TSPAN9: variants seen among roughly 807,000 people sequenced by gnomAD.
The protein encoded by TSPAN9 is tetraspanin 9, also known as tetraspanin-9.
Under a neutral mutation model 31.0 loss-of-function variants are expected in TSPAN9, and 16 were observed. The ratio of observed to expected loss-of-function variants is 0.52; its 90% confidence interval spans 0.35 to 0.78. TSPAN9 has a LOEUF of 0.78. Among genes scored for constraint, TSPAN9 ranks in the 30% least tolerant of loss-of-function variants. TSPAN9 has a pLI of 0.01. For synonymous variants in TSPAN9, 145 were observed against 121.6 expected, an observed-to-expected ratio of 1.19 and a Z score of -1.27; for missense variants, 272 against 312.5, an observed-to-expected ratio of 0.87 and a Z score of 0.98.
intron 3 of TSPAN9, among the ~76,000 whole-genome samples, chr12:3,223,496 T>G (rs2098385603): frequency 6.6e-6 from 1 of 152,240 alleles, no homozygotes; most frequent in African/African-American, 2.4e-5. Flanking sequence ...TGCCGTTTGC[T>G]GCAAGGATGC....
intron 2 of TSPAN9, among the ~76,000 whole-genome samples, chr12:3,109,003 T>G (rs1350518993): frequency 6.6e-6 from 1 of 151,988 alleles, no homozygotes; most frequent in Non-Finnish European, 1.5e-5. Flanking sequence ...TGGCGCGATC[T>G]CCGCTCACTG....
rs186798644 is a variant in TSPAN9 at position 3,085,959 on chromosome 12, G to T, written c.-18+2240G>T. 4.2e-3 allele frequency among the ~76,000 whole-genome samples: 641 copies of T among 152,326 alleles called. 3 individuals carry two copies. The highest frequency in any genetic ancestry group is 4.7e-3 in the Non-Finnish European group (317 of 68,032). ...CCCTGCCCCGTGAGTGGCGAGTGGCGGGGTCCTACTGCCTGACTTCTGTCC... is the reference window on the plus strand; with the variant it reads ...CCCTGCCCCGTGAGTGGCGAGTGGCTGGGTCCTACTGCCTGACTTCTGTCC... On this transcript the variant is annotated intron_variant, in intron 2 of 8. Transcript: ENST00000011898.
At chr12:3,240,988 A>C (rs559614889) in intron 3 of TSPAN9, among the ~76,000 whole-genome samples, 2 of 152,316 alleles carry the variant, frequency 1.3e-5, no homozygotes, top group Admixed American at 1.3e-4. Flanking sequence ...TAAACGGATA[A>C]TTGCTAATAT....
chr12:3,102,286 G>A (rs2098312196), intron 2 of TSPAN9, among the ~76,000 whole-genome samples: 1 of 151,894 alleles, frequency 6.6e-6, no homozygotes, highest in Non-Finnish European at 1.5e-5. Flanking sequence ...ATCATGCCCT[G>A]CCAACATTTT....
intron 2 of TSPAN9, among the ~76,000 whole-genome samples, chr12:3,085,507 G>A (rs2098300032): frequency 6.6e-6 from 1 of 152,142 alleles, no homozygotes; most frequent in Non-Finnish European, 1.5e-5. Flanking sequence ...TCTGATGGCT[G>A]TGGCTCCAGG....
chr12:3,283,413 T>C lies in TSPAN9; in HGVS notation c.*297T>C, dbSNP rs369748275. 258 of 308,214 alleles carry C rather than the reference T, an allele frequency of 8.4e-4. 1 individual carries two copies. The highest frequency in any genetic ancestry group is 5.3e-3 in the African/African-American group (243 of 45,820). The allele number at this position is 308,214 out of a possible 1,614,324, so 19.1% of individuals were successfully genotyped here. ...GCTCCGGAGGAACCCCCGGCACTGA[T>C]GGGCTTCTGCCCCTGCCCTTCCTCA... is the stretch of plus-strand genomic sequence containing the variant. On this transcript the variant is annotated 3_prime_UTR_variant, in exon 9 of 9. Coordinates refer to ENST00000011898, the MANE Select transcript of TSPAN9 (RefSeq NM_006675.5).
rs1863018569 is a variant in TSPAN9 at position 3,286,449 on chromosome 12, C to T, written c.*3333C>T. 1 of 152,640 alleles carries T rather than the reference C, an allele frequency of 6.6e-6. No individual in the cohort carries two copies. The highest frequency in any genetic ancestry group is 1.5e-5 in the Non-Finnish European group (1 of 68,064). The allele number at this position is 152,640 out of a possible 1,614,324, so 9.5% of individuals were successfully genotyped here. On this transcript the variant is annotated 3_prime_UTR_variant, in exon 9 of 9. Coordinates refer to ENST00000011898, the MANE Select transcript of TSPAN9 (RefSeq NM_006675.5). The surrounding 1 kb of genome is among the most constrained non-coding windows in gnomAD (Gnocchi z 4.1). ...AGCACGCTTGTTGGTTTCAGATGCA[C>T]TTTCTGCTTGCATTGCCGTATCTGT... is the stretch of plus-strand genomic sequence containing the variant.
intron 3 of TSPAN9, among the ~76,000 whole-genome samples, chr12:3,209,204 C>T (rs1432399723): frequency 6.7e-6 from 1 of 148,732 alleles, no homozygotes; most frequent in Non-Finnish European, 1.5e-5. Flanking sequence ...CATTGCACTG[C>T]AGCCTGGGCG....
chr12:3,126,852 C>T (rs2098327577), intron 2 of TSPAN9, among the ~76,000 whole-genome samples: 1 of 152,080 alleles, frequency 6.6e-6, no homozygotes, highest in Non-Finnish European at 1.5e-5. Context: ...CACTGCACTC[C>T]AGCTTGGGCA....
intron 3 of TSPAN9, among the ~76,000 whole-genome samples, chr12:3,225,835 C>T (rs1325843638): frequency 6.6e-6 from 1 of 151,912 alleles, no homozygotes; most frequent in Non-Finnish European, 1.5e-5. Flanking sequence ...GAGGTGGACT[C>T]CCTAGAGAGG....
Position 3,194,389 on chromosome 12 carries a change from TTTTTC to T in TSPAN9, c.-17-6778_-17-6774del, listed in dbSNP as rs964966808. Among the ~76,000 whole-genome samples, 16 of 152,164 alleles carry T rather than the reference TTTTTC, an allele frequency of 1.1e-4. No individual in the cohort carries two copies. The East Asian group carries it at 2.9e-3, about 28-fold the overall frequency. ...CCACCAAAGCCAAACCCTGCTTGTTTTTTTCTTTTCTTTTTTGAGATAGGGTCTCA... is the reference window on the plus strand; with the variant it reads ...CCACCAAAGCCAAACCCTGCTTGTTTTTTTCTTTTTTGAGATAGGGTCTCA... On this transcript the variant is annotated intron_variant, in intron 2 of 8. Coordinates refer to ENST00000011898, the MANE Select transcript of TSPAN9 (RefSeq NM_006675.5).
At chr12:3,282,331 CT>C (rs200608443) in intron 8 of TSPAN9, among the ~76,000 whole-genome samples, 2,700 of 152,326 alleles carry the variant, frequency 0.018, 28 homozygotes, top group Non-Finnish European at 0.027. Context: ...GACAGCCCTG[CT>C]GCTGCCAAGA....
At chr12:3,109,205 G>A (rs1378514925) in intron 2 of TSPAN9, among the ~76,000 whole-genome samples, 5 of 150,612 alleles carry the variant, frequency 3.3e-5, no homozygotes, top group East Asian at 4.0e-4. Context: ...CAGAGTGCTG[G>A]GATTACAGGT....
rs139014293 is a variant in TSPAN9 at position 3,241,424 on chromosome 12, G to A, written c.64-36997G>A. 3.9e-4 allele frequency among the ~76,000 whole-genome samples: 60 copies of A among 152,258 alleles called. No individual in the cohort carries two copies. The East Asian group carries it at 0.011, about 28-fold the overall frequency. On this transcript the variant is annotated intron_variant, in intron 3 of 8. Coordinates refer to ENST00000011898, the MANE Select transcript of TSPAN9 (RefSeq NM_006675.5). ...TTTGCTCTTTTTGGTGTACAGCTGAGTTTTGAAAAACACAGTCATACATGT... is the reference window on the plus strand; with the variant it reads ...TTTGCTCTTTTTGGTGTACAGCTGAATTTTGAAAAACACAGTCATACATGT...
At chr12:3,206,038 A>C (rs140784083) in intron 3 of TSPAN9, among the ~76,000 whole-genome samples, 2,345 of 152,248 alleles carry the variant, frequency 0.015, 26 homozygotes, top group South Asian at 0.04. Context: ...CCAGTTGAAA[A>C]AGGGTAAGCA....
At chr12:3,133,183 A>G (rs2098330566) in intron 2 of TSPAN9, among the ~76,000 whole-genome samples, 1 of 152,054 alleles carries the variant, frequency 6.6e-6, no homozygotes, top group Non-Finnish European at 1.5e-5. Flanking sequence ...TGTGCTCCAG[A>G]AACCACTCCA....
intron 3 of TSPAN9, among the ~76,000 whole-genome samples, chr12:3,265,890 C>T (rs1449409541): frequency 2.6e-5 from 4 of 152,194 alleles, no homozygotes; most frequent in African/African-American, 9.7e-5. Flanking sequence ...ACAGGATACT[C>T]AACCTCCTTG....
chr12:3,279,130 G>T (rs1591722752), intron 5 of TSPAN9, 64 bp downstream of exon 5: 1 of 1,487,782 alleles, frequency 6.7e-7, no homozygotes, highest in Non-Finnish European at 9.4e-7. Flanking sequence ...GGGCCAAGCA[G>T]GCCAGGGTCC....
intron 3 of TSPAN9, among the ~76,000 whole-genome samples, chr12:3,220,704 G>T (rs1591685982): frequency 6.6e-6 from 1 of 152,226 alleles, no homozygotes; most frequent in African/African-American, 2.4e-5. Context: ...TGGTGTGCTG[G>T]GCCGGGGCTG....
Sources: gnomAD v4.1 joint callset for allele counts (sites outside exome capture counted in the v4.1 genomes callset) on GRCh38, gnomAD v4.1.1 for gene constraint, Gnocchi (gnomAD v3.1) non-coding constraint, MANE v1.5 for transcripts, NCBI Gene and HGNC (gene_info 2026-07-23, HGNC 2026-07-21) for gene names.